The following CHD4 variants were observed in gnomAD, a reference collection of about 807,000 sequenced individuals.
CHD4 encodes the protein chromodomain helicase DNA binding protein 4, also known as ATP-dependent chromatin remodeler CHD4.
CHD4 carries 35 observed loss-of-function variants against 235.5 expected under a neutral mutation model. The ratio of observed to expected loss-of-function variants is 0.15; its 90% CI spans 0.11 to 0.20. The LOEUF is 0.20. Among genes scored for constraint, CHD4 ranks in the 10% least tolerant of loss-of-function variants. The pLI, the probability that CHD4 is intolerant of heterozygous loss-of-function variation, is 1.00. For missense variants in CHD4, 1,329 were observed against 2,432.3 expected (o/e 0.55, Z 9.54); for synonymous variants, 900 against 850.2 (o/e 1.06, Z -1.02).
At position 6,570,507 on chromosome 12, in the gene CHD4, C is replaced by G. The variant is rs938868035; in HGVS notation, c.*169G>C. On this transcript the variant is annotated 3_prime_UTR_variant, in exon 40 of 40. Coordinates refer to ENST00000544040, the MANE Select transcript of CHD4 (RefSeq NM_001273.5). ...TGTCTCTTCTGCAGGAAGGGCACCACTGCCCCTCACTCCCTCCCCTCCCCC... is the reference window on the plus strand; with the variant it reads ...TGTCTCTTCTGCAGGAAGGGCACCAGTGCCCCTCACTCCCTCCCCTCCCCC... 7 of 740,980 alleles carry G rather than the reference C, an allele frequency of 9.4e-6. No homozygotes were observed. Among genetic ancestry groups the G allele is most frequent in the Non-Finnish European group, 8.9e-6 (4 of 448,800 alleles). 45.9% of individuals were successfully genotyped at this position (740,980 alleles called of 1,614,324 possible).
chr12:6,587,086 C>A, intron 25 of CHD4: 1 of 343,174 alleles, frequency 2.9e-6, no homozygotes, highest in Non-Finnish European at 5.3e-6. Flanking sequence ...GATGAGGTAG[C>A]ATTCAAAATT....
intron 2 of CHD4, among the ~76,000 whole-genome samples, chr12:6,603,311 G>A (rs1262102147): frequency 6.6e-6 from 1 of 152,104 alleles, no homozygotes; most frequent in Non-Finnish European, 1.5e-5. Context: ...AGAAGACCAG[G>A]AGGCAGCTTC....
At position 6,573,186 on chromosome 12, in the gene CHD4, G is replaced by A. The variant is rs1391641693; in HGVS notation, c.5445C>T (p.Ser1815=). ...LNMSEDPSHP[S]MALNTRFAEV... ...CAGCAAAGCGGGTGTTGAGGGCCAT[G>A]GAAGGGTGAGAAGGGTCTTCTGACA... Residue 1815 remains serine, a synonymous_variant, in exon 38 of 40, where the codon TCC becomes TCT. Transcript: ENST00000544040. 1.2e-6 allele frequency: 2 copies of A among 1,608,252 alleles called. No homozygotes were observed. The highest frequency in any genetic ancestry group is 1.7e-6 in the Non-Finnish European group (2 of 1,177,904).
chr12:6,598,437 A>C lies in CHD4; in HGVS notation c.1483-12T>G. ...TTCAGAGCTGGACACTGAGAGAAAA[A>C]GAGACAACTTAATCTCAAATCATAA... On this transcript the variant is annotated splice_polypyrimidine_tract_variant and intron_variant, in intron 10 of 39. Transcript: ENST00000544040. 6.3e-7 allele frequency: 1 copy of C among 1,576,314 alleles called. No homozygotes were observed. Among genetic ancestry groups the C allele is most frequent in the East Asian group, 2.3e-5 (1 of 44,366 alleles).
At chr12:6,575,943 T>A (rs1458160644) in intron 37 of CHD4, among the ~76,000 whole-genome samples, 1 of 152,166 alleles carries the variant, frequency 6.6e-6, no homozygotes, top group Non-Finnish European at 1.5e-5. Context: ...CCCTTCTGTT[T>A]CTACCAAAAA....
At position 6,578,564 on chromosome 12, in the gene CHD4, G is replaced by T; in HGVS notation, c.4982-18C>A. 1 of 1,607,972 alleles carries T rather than the reference G, an allele frequency of 6.2e-7. No individual in the cohort carries two copies. The highest frequency in any genetic ancestry group is 1.7e-5 in the Admixed American group (1 of 59,366). On this transcript the variant is annotated intron_variant, in intron 34 of 39. Coordinates refer to ENST00000544040, the MANE Select transcript of CHD4 (RefSeq NM_001273.5). Reference sequence around the variant, plus strand: ...CTTCTCTTCTACAGAATATGGGGAAGAAAAATGTCAGCTCCAGCCAAAGCC... The same window carrying T: ...CTTCTCTTCTACAGAATATGGGGAATAAAAATGTCAGCTCCAGCCAAAGCC...
intron 19 of CHD4, among the ~76,000 whole-genome samples, 154 bp downstream of exon 19, chr12:6,592,239 G>T (rs898021502): frequency 6.6e-6 from 1 of 152,052 alleles, no homozygotes; most frequent in African/African-American, 2.4e-5. Flanking sequence ...AAATAAGTAA[G>T]AACTATGCGC....
intron 25 of CHD4, chr12:6,587,170 CATG>C (rs1263991561): frequency 4.5e-5 from 25 of 560,118 alleles, no homozygotes; most frequent in Non-Finnish European, 6.6e-5. Context: ...CTGTTGTGAG[CATG>C]ATATTTGGTT....
In CHD4 at chr12:6,602,356, A is replaced by G. The variant is rs1948611760; in HGVS notation, c.222+20T>C. The G allele has an allele frequency of 1.2e-6, 2 of 1,612,200 alleles. No individual in the cohort carries two copies. Among genetic ancestry groups the G allele is most frequent in the African/African-American group, 1.3e-5 (1 of 74,634 alleles). On this transcript the variant is annotated intron_variant, in intron 3 of 39. Transcript: ENST00000544040. Reference sequence around the variant, plus strand: ...TCCCTTCTTCCTCTGATTCCCCGTAACATTCAGTCACCCACTCACCTCCTT... The same window carrying G: ...TCCCTTCTTCCTCTGATTCCCCGTAGCATTCAGTCACCCACTCACCTCCTT...
At chr12:6,606,236 G>T in intron 2 of CHD4, 38 bp downstream of exon 2, 1 of 1,380,442 alleles carries the variant, frequency 7.2e-7, no homozygotes, top group South Asian at 1.2e-5. Flanking sequence ...AGCCCCAGAT[G>T]TCTCCTTCCC....
At chr12:6,601,190 A>T in intron 6 of CHD4, 99 bp downstream of exon 6, 1 of 1,552,058 alleles carries the variant, frequency 6.4e-7, no homozygotes, top group Non-Finnish European at 8.7e-7. Flanking sequence ...CCTCCCTCCT[A>T]TCTCCTACCT....
At chr12:6,601,788 G>GT in intron 4 of CHD4, 22 bp from the exon 5 acceptor site, 3 of 1,602,604 alleles carry the variant, frequency 1.9e-6, no homozygotes, top group East Asian at 2.2e-5. Context: ...GCAAAGTCAA[G>GT]TAAGTACCTG....
intron 25 of CHD4, chr12:6,584,238 A>G (rs1349932234): frequency 6.6e-6 from 1 of 152,170 alleles, no homozygotes; most frequent in Non-Finnish European, 1.5e-5. Flanking sequence ...GGGTACATAT[A>G]TGTGAGTGTA....
intron 2 of CHD4, among the ~76,000 whole-genome samples, chr12:6,604,065 G>A (rs891112294): frequency 2.6e-5 from 4 of 152,098 alleles, no homozygotes; most frequent in African/African-American, 7.2e-5. Context: ...ATCATTTGAG[G>A]TCAGTTCGAA....
intron 25 of CHD4, chr12:6,586,742 G>C (rs1176957103): frequency 6.6e-6 from 1 of 151,752 alleles, no homozygotes; most frequent in African/African-American, 2.4e-5. Context: ...TCTGTCATCA[G>C]GCTGGAATGC....
At chr12:6,595,285 G>C (rs115587740) in intron 14 of CHD4, 49 bp downstream of exon 14, 1 of 1,453,792 alleles carries the variant, frequency 6.9e-7, no homozygotes, top group Admixed American at 1.7e-5. Flanking sequence ...CTGCAGCAAA[G>C]ATACATTGTC....
At chr12:6,580,710 A>AAAAAAAAAAAACAAAC (rs1183964852) in intron 33 of CHD4, 1 of 196,060 alleles carries the variant, frequency 5.1e-6, no homozygotes, top group Non-Finnish European at 9.5e-6. Flanking sequence ...CTTTGAAAAA[A>AAAAAAAAAAAACAAAC]AAAAAAAAAA....
At chr12:6,596,853 TGGA>T (rs940138009) in intron 12 of CHD4, among the ~76,000 whole-genome samples, 3 of 149,528 alleles carry the variant, frequency 2.0e-5, no homozygotes, top group African/African-American at 7.4e-5. Context: ...CCAGCTACTC[TGGA>T]GGCTGAGGCA....
At chr12:6,585,611 A>G (rs1395491910) in intron 25 of CHD4, among the ~76,000 whole-genome samples, 1 of 151,508 alleles carries the variant, frequency 6.6e-6, no homozygotes, top group Non-Finnish European at 1.5e-5. Flanking sequence ...AACATGGTGA[A>G]ACCCCATCTC....
Sources: gnomAD v4.1 joint callset for allele counts (sites outside exome capture counted in the v4.1 genomes callset) on GRCh38, gnomAD v4.1.1 for gene constraint, MANE v1.5 for transcripts, NCBI Gene and HGNC (gene_info 2026-07-23, HGNC 2026-07-21) for gene names.